The following ZNF676 variants were observed in gnomAD, a reference collection of about 807,000 sequenced individuals.
ZNF676 encodes zinc finger protein 676.
Under a neutral mutation model 6.0 loss-of-function variants are expected in ZNF676, and 4 were observed. The ratio of observed to expected loss-of-function variants is 0.67; its 90% CI spans 0.33 to 1.53. The LOEUF is 1.53. Among genes scored for constraint, ZNF676 ranks in the 40% most tolerant of loss-of-function variants. The pLI, the probability that ZNF676 is intolerant of heterozygous loss-of-function variation, is 0.06. For missense variants in ZNF676, 644 were observed against 679.7 expected, an observed-to-expected ratio of 0.95 and a Z score of 0.58; for synonymous variants, 198 against 223.1, an observed-to-expected ratio of 0.89 and a Z score of 1.00.
intron 2 of ZNF676, among the ~76,000 whole-genome samples, chr19:22,182,585 T>TAAAAAAAAAAAAAAAAAAA (rs67699215): frequency 2.4e-4 from 11 of 45,012 alleles, no homozygotes; most frequent in African/African-American, 4.2e-4. Context: ...GTCAAAGTTC[T>TAAAAAAAAAAAAAAAAAAA]AAAAAAAAAA....
In ZNF676 at chr19:22,179,920, G is replaced by C. The variant is rs2023706032; in HGVS notation, c.*30C>G. On this transcript the variant is annotated 3_prime_UTR_variant, in exon 3 of 3. Coordinates refer to ENST00000397121, the MANE Select transcript of ZNF676 (RefSeq NM_001001411.3). ...CTTATGTTTACTAGACTGAGAATCA[G>C]CTGAAGGATTTACCACATTCTTCAC... 1 of 1,596,658 alleles carries C rather than the reference G, an allele frequency of 6.3e-7. No homozygotes were observed. Among genetic ancestry groups the C allele is most frequent in the Non-Finnish European group, 8.6e-7 (1 of 1,167,186 alleles).
chr19:22,221,717 C>T, the ZNF676 span, among the ~76,000 whole-genome samples: 1 of 150,230 alleles, frequency 6.7e-6, no homozygotes, highest in South Asian at 2.1e-4. Flanking sequence ...CACCATTGCA[C>T]TCCAGCCTTG....
At chr19:22,242,077 A>G in the ZNF676 span, among the ~76,000 whole-genome samples, 1 of 151,926 alleles carries the variant, frequency 6.6e-6, no homozygotes, top group Admixed American at 6.6e-5. Flanking sequence ...AAGGAGACTC[A>G]GGATCTTACC....
the ZNF676 span, among the ~76,000 whole-genome samples, chr19:22,238,340 C>T: frequency 9.9e-5 from 15 of 152,194 alleles, no homozygotes; most frequent in East Asian, 1.7e-3. Flanking sequence ...TGTGAGCCAC[C>T]ATGCTCAGCT....
chr19:22,209,447 A>C (rs2024108907), intron 1 of ZNF676, among the ~76,000 whole-genome samples: 2 of 152,130 alleles, frequency 1.3e-5, no homozygotes, highest in African/African-American at 2.4e-5. Flanking sequence ...TAAGTAAGAG[A>C]TAAATAAGAA....
intron 1 of ZNF676, among the ~76,000 whole-genome samples, chr19:22,207,983 T>TAAAAAAAAAAA (rs59890557): frequency 7.7e-6 from 1 of 129,200 alleles, no homozygotes. Context: ...TTAAAAATTA[T>TAAAAAAAAAAA]AAAAAAAAAA....
Position 22,202,379 on chromosome 19 carries a change from G to C in ZNF676, c.4-5653C>G, listed in dbSNP as rs937301972. Among the ~76,000 whole-genome samples the C allele has an allele frequency of 2.0e-5, 3 of 152,304 alleles. No homozygotes were observed. In the East Asian group the frequency reaches 5.8e-4, roughly 29 times the overall value. ...TGCAGAGGATGATAGATACCAAGTA[G>C]GCAGAGACACAATTCCACCTGCATA... On this transcript the variant is annotated intron_variant, in intron 1 of 3. Transcript: ENST00000650058.
At chr19:22,217,070 T>C (rs1332043627), upstream of ZNF676, among the ~76,000 whole-genome samples, 4 of 152,262 alleles carry the variant, frequency 2.6e-5, no homozygotes, top group African/African-American at 9.6e-5. Context: ...AGTTCCTAAA[T>C]CTTTTCTGAG....
At chr19:22,255,644 G>A in the ZNF676 span, among the ~76,000 whole-genome samples, 1 of 152,056 alleles carries the variant, frequency 6.6e-6, no homozygotes, top group African/African-American at 2.4e-5. Flanking sequence ...AGGAGATCGA[G>A]ACCATCCTGG....
intron 2 of ZNF676, 82 bp downstream of exon 2, chr19:22,192,934 G>A (rs113279822): frequency 1.5e-6 from 2 of 1,370,716 alleles, no homozygotes; most frequent in African/African-American, 1.5e-5. Flanking sequence ...TTGGAACACA[G>A]CTTCCCAAAT....
In ZNF676 at chr19:22,187,913, G is replaced by A. The variant is rs369919831; in HGVS notation, c.130+5103C>T. 1.3e-3 allele frequency among the ~76,000 whole-genome samples: 204 copies of A among 152,096 alleles called. 1 individual carries two copies. Among genetic ancestry groups the A allele is most frequent in the African/African-American group, 4.5e-3 (187 of 41,492 alleles). ...AACCAAAAATGTCCAGAATCTGATG[G>A]ATTCACAGCCTTTGTACCAGAGGTA... On this transcript the variant is annotated intron_variant, in intron 2 of 2. Coordinates refer to ENST00000397121, the MANE Select transcript of ZNF676 (RefSeq NM_001001411.3).
chr19:22,226,739 G>A, the ZNF676 span, among the ~76,000 whole-genome samples: 1 of 151,880 alleles, frequency 6.6e-6, no homozygotes, highest in Non-Finnish European at 1.5e-5. Flanking sequence ...TGGGATTACA[G>A]GCACTCACCA....
intron 2 of ZNF676, among the ~76,000 whole-genome samples, chr19:22,181,791 G>A (rs763982299): frequency 3.9e-5 from 6 of 152,062 alleles, no homozygotes; most frequent in Non-Finnish European, 7.4e-5. Context: ...CATGAGTTAA[G>A]TGTGTGCATT....
the ZNF676 span, chr19:22,243,692 T>G: frequency 6.6e-6 from 1 of 152,234 alleles, no homozygotes; most frequent in Non-Finnish European, 1.5e-5. Context: ...CTGAGCATAG[T>G]TGGCAAGGTC....
At chr19:22,222,865 A>G in the ZNF676 span, among the ~76,000 whole-genome samples, 15 of 152,320 alleles carry the variant, frequency 9.8e-5, 1 homozygote, top group East Asian at 2.9e-3. Context: ...TAGAGCAGAC[A>G]CTAGGGGAAG....
chr19:22,254,007 G>A, the ZNF676 span, among the ~76,000 whole-genome samples: 2 of 152,110 alleles, frequency 1.3e-5, no homozygotes, highest in Non-Finnish European at 1.5e-5. Flanking sequence ...CTGGTTTGAG[G>A]TATAAGAGCA....
In ZNF676 at chr19:22,182,594, A is replaced by AACAAAAAAAAAC. The variant is rs1213276682; in HGVS notation, c.131-1009_131-1008insGTTTTTTTTTGT. 2.1e-3 allele frequency among the ~76,000 whole-genome samples: 182 copies of AACAAAAAAAAAC among 88,730 alleles called. 6 individuals are homozygous for AACAAAAAAAAAC. Among genetic ancestry groups the AACAAAAAAAAAC allele is most frequent in the African/African-American group, 8.0e-3 (169 of 21,184 alleles). The allele number at this position is 88,730 out of a possible 152,430, so 58.2% of individuals were successfully genotyped here. ...GATATAGTCAAAGTTCTAAAAAAAA[A>AACAAAAAAAAAC]AAAAAAAAGCAAACAAAAAAAAGAA... On this transcript the variant is annotated intron_variant, in intron 2 of 2. Coordinates refer to ENST00000397121, the MANE Select transcript of ZNF676 (RefSeq NM_001001411.3).
intron 1 of ZNF676, among the ~76,000 whole-genome samples, chr19:22,207,982 A>AT (rs1555775315): frequency 7.9e-6 from 1 of 126,058 alleles, no homozygotes; most frequent in African/African-American, 3.1e-5. Flanking sequence ...CTTAAAAATT[A>AT]TAAAAAAAAA....
upstream of ZNF676, among the ~76,000 whole-genome samples, chr19:22,219,843 C>T (rs1332140747): frequency 5.9e-5 from 9 of 151,646 alleles, no homozygotes; most frequent in Admixed American, 1.3e-4. Flanking sequence ...TTTGAACAGA[C>T]GAGGTTTCAC....
Sources: allele counts gnomAD v4.1 joint callset (sites outside exome capture counted in the v4.1 genomes callset), GRCh38; gene constraint gnomAD v4.1.1; transcripts MANE v1.5; gene names NCBI Gene and HGNC (gene_info 2026-07-23, HGNC 2026-07-21).